The following PCDHGB4 variants were observed in gnomAD, a reference collection of about 807,000 sequenced individuals.
PCDHGB4 encodes protocadherin gamma subfamily B, 4, also known as protocadherin gamma-B4.
Under a neutral mutation model 60.5 loss-of-function variants are expected in PCDHGB4, and 38 were observed. The observed-to-expected ratio is 0.63, with a 90% confidence interval of 0.48 to 0.82. The LOEUF is 0.82. PCDHGB4 is among the 40% of genes least tolerant of loss of function. The pLI is 0.00. For synonymous variants in PCDHGB4, 456 were observed against 509.7 expected, an observed-to-expected ratio of 0.89 and a Z score of 1.42; for missense variants, 1,109 against 1,209.6, an observed-to-expected ratio of 0.92 and a Z score of 1.23.
Position 141,489,629 on chromosome 5 carries a change from C to G in PCDHGB4, c.2398-5178C>G. 6.2e-7 allele frequency: 1 copy of G among 1,614,142 alleles called. No individual in the cohort carries two copies. The highest frequency in any genetic ancestry group is 8.5e-7 in the Non-Finnish European group (1 of 1,180,014). On this transcript the variant is annotated intron_variant, in intron 1 of 3. Coordinates refer to ENST00000519479, the MANE Select transcript of PCDHGB4 (RefSeq NM_003736.4). The surrounding 1 kb of genome is among the most constrained non-coding windows in gnomAD (Gnocchi z 4.5). Reference sequence around the variant, plus strand: ...GAGATCCTGGATCTCAATGACAACTCTCCTAGCTTTGCCACCCCTGAGCGA... The same window carrying G: ...GAGATCCTGGATCTCAATGACAACTGTCCTAGCTTTGCCACCCCTGAGCGA...
chr5:141,477,634 G>C lies in PCDHGB4; in HGVS notation c.2398-17173G>C. 2 of 1,614,176 alleles carry C rather than the reference G, an allele frequency of 1.2e-6. No individual in the cohort carries two copies. Among genetic ancestry groups the C allele is most frequent in the Non-Finnish European group, 1.7e-6 (2 of 1,180,034 alleles). On this transcript the variant is annotated intron_variant, in intron 1 of 3. Transcript: ENST00000519479. This position sits in a 1 kb window ranked among gnomAD's most constrained non-coding sequence, Gnocchi z 4.9. Reference sequence around the variant, plus strand: ...AGCAAGGAGCTGAAACCGGGCTAGTGGGTCGCTATTTCACAATAAATCGTG... The same window carrying C: ...AGCAAGGAGCTGAAACCGGGCTAGTCGGTCGCTATTTCACAATAAATCGTG...
chr5:141,486,169 A>T lies in PCDHGB4; in HGVS notation c.2398-8638A>T. On this transcript the variant is annotated intron_variant, in intron 1 of 3. Transcript: ENST00000519479. The surrounding 1 kb of genome is among the most constrained non-coding windows in gnomAD (Gnocchi z 5.0). ...ATGGGGGTTCTCCAGCCATGGAGCA[A>T]CATTGCAGCCTTCGAGTGGATCTGC... 1 of 1,614,206 alleles carries T rather than the reference A, an allele frequency of 6.2e-7. No homozygotes were observed. Among genetic ancestry groups the T allele is most frequent in the Non-Finnish European group, 8.5e-7 (1 of 1,180,032 alleles).
chr5:141,443,826 G>C (rs955306823), intron 1 of PCDHGB4, among the ~76,000 whole-genome samples: 1 of 151,978 alleles, frequency 6.6e-6, no homozygotes, highest in African/African-American at 2.4e-5. Flanking sequence ...AACATAATTA[G>C]GTAAAATGGG....
At chr5:141,510,785 C>G (rs951225541) in intron 3 of PCDHGB4, among the ~76,000 whole-genome samples, 162 bp from the exon 4 acceptor site, 1 of 152,150 alleles carries the variant, frequency 6.6e-6, no homozygotes, top group Non-Finnish European at 1.5e-5. Flanking sequence ...ACCCTCAACT[C>G]TTGTGAAGAG....
rs780007896 is a variant in PCDHGB4 at position 141,399,692 on chromosome 5, G to T, written c.2397+9411G>T. 1.2e-5 allele frequency: 19 copies of T among 1,613,318 alleles called. No individual in the cohort carries two copies. The South Asian group carries it at 2.1e-4, about 18-fold the overall frequency. ...CGCGCCTTTGACTACGAGCAGCTGC[G>T]CACCTTCGAACTCACACTACAGGCC... On this transcript the variant is annotated intron_variant, in intron 1 of 3. Coordinates refer to ENST00000519479, the MANE Select transcript of PCDHGB4 (RefSeq NM_003736.4).
At chr5:141,506,934 G>A (rs187503673) in intron 3 of PCDHGB4, among the ~76,000 whole-genome samples, 54 of 152,232 alleles carry the variant, frequency 3.5e-4, no homozygotes, top group African/African-American at 1.3e-3. Flanking sequence ...AAACTTTAGG[G>A]GCCTCCTGTC....
intron 1 of PCDHGB4, among the ~76,000 whole-genome samples, chr5:141,463,721 C>T (rs1012411825): frequency 1.3e-5 from 2 of 152,046 alleles, no homozygotes; most frequent in Non-Finnish European, 2.9e-5. Flanking sequence ...GCTGGGATTA[C>T]AGGCATGAGC....
At chr5:141,475,803 G>T in intron 1 of PCDHGB4, 1 of 319,920 alleles carries the variant, frequency 3.1e-6, no homozygotes, top group Non-Finnish European at 5.7e-6. Flanking sequence ...GAAGCCAAAG[G>T]AAAGTGAAGT....
At chr5:141,398,421 G>A in intron 1 of PCDHGB4, 2 of 1,510,606 alleles carry the variant, frequency 1.3e-6, no homozygotes, top group Non-Finnish European at 1.8e-6. Context: ...TATGCGGGAA[G>A]AAGCCAGCTT....
rs774774450 is a variant in PCDHGB4, at chr5:141,398,863, G to A, written c.2397+8582G>A. The A allele has an allele frequency of 2.5e-6, 4 of 1,613,868 alleles. No homozygotes were observed. The highest frequency in any genetic ancestry group is 2.7e-5 in the African/African-American group (2 of 74,928). ...TAATCCCCCGGTATTCAACCGAGACGTGTACAGAGTCAGCCTTCGGGAAAA... is the reference window on the plus strand; with the variant it reads ...TAATCCCCCGGTATTCAACCGAGACATGTACAGAGTCAGCCTTCGGGAAAA... On this transcript the variant is annotated intron_variant, in intron 1 of 3. Transcript: ENST00000519479.
chr5:141,487,608 G>A lies in PCDHGB4; in HGVS notation c.2398-7199G>A, dbSNP rs970411391. On this transcript the variant is annotated intron_variant, in intron 1 of 3. Coordinates refer to ENST00000519479, the MANE Select transcript of PCDHGB4 (RefSeq NM_003736.4). The surrounding 1 kb of genome is among the most constrained non-coding windows in gnomAD (Gnocchi z 5.0). ...TGCCCACCCTCTGATCTTCTCTATG[G>A]GCTAGAGGTGAGACCTTTGCAGGCT... 1 of 1,614,182 alleles carries A rather than the reference G, an allele frequency of 6.2e-7. No individual in the cohort carries two copies. Among genetic ancestry groups the A allele is most frequent in the African/African-American group, 1.3e-5 (1 of 75,050 alleles).
At chr5:141,406,531 C>T (rs1303471087) in intron 1 of PCDHGB4, among the ~76,000 whole-genome samples, 1 of 152,102 alleles carries the variant, frequency 6.6e-6, no homozygotes, top group African/African-American at 2.4e-5. Flanking sequence ...TATTTTCTGA[C>T]GAAGATTCAA....
chr5:141,405,203 C>T, intron 1 of PCDHGB4: 2 of 1,613,520 alleles, frequency 1.2e-6, no homozygotes, highest in Non-Finnish European at 1.7e-6. Context: ...AGCTTTCCTA[C>T]AGACCTATTC....
At chr5:141,402,765 C>T (rs2150942715) in intron 1 of PCDHGB4, among the ~76,000 whole-genome samples, 1 of 152,322 alleles carries the variant, frequency 6.6e-6, no homozygotes, top group Admixed American at 6.5e-5. Flanking sequence ...ATCAGGACTC[C>T]ATCCGGATTT....
chr5:141,417,947 T>A (rs958624664), intron 1 of PCDHGB4: 53 of 1,613,420 alleles, frequency 3.3e-5, no homozygotes, highest in Middle Eastern at 1.7e-4. Context: ...CCCCACGCTG[T>A]GTGAGCCGAT....
In PCDHGB4 at chr5:141,487,574, C is replaced by T. The variant is rs753979217; in HGVS notation, c.2398-7233C>T. ...TGCACCTATGGCAGGGGAGCCTGTTCGCCCAAGCTGCCCACCCTCTGATCT... is the reference window on the plus strand; with the variant it reads ...TGCACCTATGGCAGGGGAGCCTGTTTGCCCAAGCTGCCCACCCTCTGATCT... On this transcript the variant is annotated intron_variant, in intron 1 of 3. Transcript: ENST00000519479. This position sits in a 1 kb window ranked among gnomAD's most constrained non-coding sequence, Gnocchi z 5.0. 1.2e-5 allele frequency: 20 copies of T among 1,614,040 alleles called. 1 individual carries two copies. The highest frequency in any genetic ancestry group is 8.9e-5 in the East Asian group (4 of 44,870).
Position 141,476,072 on chromosome 5 carries a change from C to A in PCDHGB4, c.2398-18735C>A. 1.3e-6 allele frequency: 2 copies of A among 1,523,462 alleles called. No individual in the cohort carries two copies. The highest frequency in any genetic ancestry group is 1.3e-5 in the South Asian group (1 of 77,998). 94.4% of individuals were successfully genotyped at this position (1,523,462 alleles called of 1,614,324 possible). The stretch of plus-strand genomic sequence containing the variant: ...CGCTGAAAGTTTCTCAGCGAAATCT[C>A]AGGGACGATCTGGACCCCGCTGAGA... On this transcript the variant is annotated intron_variant, in intron 1 of 3. Coordinates refer to ENST00000519479, the MANE Select transcript of PCDHGB4 (RefSeq NM_003736.4). The surrounding 1 kb of genome is among the most constrained non-coding windows in gnomAD (Gnocchi z 7.6).
intron 1 of PCDHGB4, chr5:141,418,426 C>A: frequency 6.2e-7 from 1 of 1,613,948 alleles, no homozygotes; most frequent in South Asian, 1.1e-5. Flanking sequence ...CTGATGGTGG[C>A]AAATATCCAG....
At chr5:141,423,163 G>A (rs758720418) in intron 1 of PCDHGB4, 2 of 1,613,480 alleles carry the variant, frequency 1.2e-6, no homozygotes, top group South Asian at 2.2e-5. Context: ...CCTCGTGGTG[G>A]CCGTCCAGGA....
Sources: gnomAD v4.1 joint callset for allele counts (sites outside exome capture counted in the v4.1 genomes callset) on GRCh38, gnomAD v4.1.1 for gene constraint, Gnocchi (gnomAD v3.1) non-coding constraint, MANE v1.5 for transcripts, NCBI Gene and HGNC (gene_info 2026-07-23, HGNC 2026-07-21) for gene names.